The following NLGN1 variants were observed in gnomAD, a reference collection of about 807,000 sequenced individuals.
The protein encoded by NLGN1 is neuroligin-1.
In NLGN1, 12 loss-of-function variants were observed where a neutral mutation model predicts 65.5. That is an observed-to-expected ratio of 0.18 (90% CI 0.12 to 0.30). The LOEUF (loss-of-function observed/expected upper bound fraction) is 0.30, where lower values mean the gene tolerates loss of function less well. Ranked by LOEUF, NLGN1 falls within the 10% of genes least tolerant of loss-of-function variation. The pLI is 1.00. For missense variants in NLGN1, 750 were observed against 1,007.1 expected (o/e 0.74, Z 3.46); for synonymous variants, 350 against 359.5 (o/e 0.97, Z 0.30).
chr3:173,729,641 C>T (rs1038646), intron 3 of NLGN1, among the ~76,000 whole-genome samples: 120,732 of 151,954 alleles, frequency 0.79, 48,206 homozygotes, highest in East Asian at 0.87. Context: ...ATTTCTGCTG[C>T]TTGTAAAAGA....
At chr3:174,229,982 C>T (rs547161926) in intron 4 of NLGN1, among the ~76,000 whole-genome samples, 1 of 152,270 alleles carries the variant, frequency 6.6e-6, no homozygotes, top group African/African-American at 2.4e-5. Flanking sequence ...TAGAGAAATC[C>T]TTACATTCCT....
chr3:173,678,643 A>T (rs1052169677), intron 3 of NLGN1, among the ~76,000 whole-genome samples: 2 of 152,072 alleles, frequency 1.3e-5, no homozygotes, highest in African/African-American at 4.8e-5. Context: ...AAGACAAGAG[A>T]TCCTCTGAGG....
At chr3:173,973,244 A>G (rs112421544) in intron 4 of NLGN1, among the ~76,000 whole-genome samples, 156 of 152,252 alleles carry the variant, frequency 1.0e-3, no homozygotes, top group African/African-American at 3.6e-3. Context: ...TATACATATA[A>G]GAAAATTGTA....
At chr3:173,741,542 G>T (rs1324584241) in intron 3 of NLGN1, among the ~76,000 whole-genome samples, 4 of 152,014 alleles carry the variant, frequency 2.6e-5, no homozygotes, top group African/African-American at 2.4e-5. Flanking sequence ...ACTCAGGTTG[G>T]AGTGCAGTGG....
At chr3:173,786,235 G>T (rs1781932293) in intron 3 of NLGN1, among the ~76,000 whole-genome samples, 1 of 152,140 alleles carries the variant, frequency 6.6e-6, no homozygotes, top group Non-Finnish European at 1.5e-5. Context: ...AATGCAGAGG[G>T]AGGGCCATGA....
intron 4 of NLGN1, among the ~76,000 whole-genome samples, chr3:174,123,338 G>A (rs1393019366): frequency 6.6e-6 from 1 of 152,132 alleles, no homozygotes; most frequent in Non-Finnish European, 1.5e-5. Flanking sequence ...TGCATCGTCT[G>A]TGGTTGTCAA....
chr3:173,722,318 A>G (rs142725416), intron 3 of NLGN1, among the ~76,000 whole-genome samples: 25 of 137,260 alleles, frequency 1.8e-4, no homozygotes, highest in African/African-American at 6.7e-4. Context: ...ATCTTGGCTC[A>G]CTGCAACCTC....
intron 4 of NLGN1, among the ~76,000 whole-genome samples, chr3:173,913,098 A>G (rs1158119886): frequency 6.6e-6 from 1 of 152,168 alleles, no homozygotes; most frequent in African/African-American, 2.4e-5. Flanking sequence ...GGCAAAGTTA[A>G]CTAAATATGG....
chr3:173,531,909 G>A (rs1053339810), intron 2 of NLGN1, among the ~76,000 whole-genome samples: 1 of 151,988 alleles, frequency 6.6e-6, no homozygotes, highest in Non-Finnish European at 1.5e-5. Context: ...CCCACAAATG[G>A]CTGTTTTCTC....
exon 5 of NLGN1, chr3:174,275,513 G>T: frequency 6.2e-7 from 1 of 1,611,618 alleles, no homozygotes. Flanking sequence ...AACCGTTGGA[G>T]CAATTCAACC....
rs149959677 is a variant in NLGN1, at chr3:173,531,071, A to G, written c.-320-73208A>G. ...CTCTTCATTTTTAGAATATACAATT[A>G]CTTTATTAGAAAAAATTTATGGCTG... On this transcript the variant is annotated intron_variant, in intron 2 of 6. Coordinates refer to ENST00000457714, the Ensembl canonical transcript of NLGN1. 9.0e-3 allele frequency among the ~76,000 whole-genome samples: 1,373 copies of G among 152,222 alleles called. 6 individuals are homozygous for G. Among genetic ancestry groups the G allele is most frequent in the Non-Finnish European group, 0.015 (1,034 of 67,978 alleles).
intron 1 of NLGN1, among the ~76,000 whole-genome samples, chr3:173,422,160 CACAT>C (rs1277888344): frequency 1.3e-5 from 2 of 151,854 alleles, no homozygotes; most frequent in East Asian, 3.9e-4. Flanking sequence ...CACACACACA[CACAT>C]ACACACAATG....
intron 3 of NLGN1, among the ~76,000 whole-genome samples, chr3:173,635,909 A>G (rs1394961749): frequency 6.6e-6 from 1 of 152,144 alleles, no homozygotes; most frequent in Non-Finnish European, 1.5e-5. Flanking sequence ...GAATCTATTA[A>G]TAAATAGATG....
At chr3:173,802,213 C>T (rs1455301758) in intron 3 of NLGN1, among the ~76,000 whole-genome samples, 3 of 151,868 alleles carry the variant, frequency 2.0e-5, no homozygotes, top group African/African-American at 4.8e-5. Flanking sequence ...TAAGTCTGAG[C>T]GATCATAGCT....
At chr3:173,951,327 C>T (rs949776099) in intron 4 of NLGN1, among the ~76,000 whole-genome samples, 15 of 152,082 alleles carry the variant, frequency 9.9e-5, no homozygotes, top group African/African-American at 2.4e-4. Flanking sequence ...AATCAGACTC[C>T]GGTTAAGACC....
intron 4 of NLGN1, among the ~76,000 whole-genome samples, chr3:173,851,121 G>T (rs1726844071): frequency 6.6e-6 from 1 of 152,020 alleles, no homozygotes; most frequent in Admixed American, 6.6e-5. Flanking sequence ...ATATCCGATT[G>T]ATCAAGACCA....
rs548162791 is a variant in NLGN1 at position 173,485,432 on chromosome 3, T to C, written c.-321+50354T>C. Among the ~76,000 whole-genome samples, 3 of 152,324 alleles carry C rather than the reference T, an allele frequency of 2.0e-5. No individual in the cohort carries two copies. In the South Asian group the frequency reaches 6.2e-4, roughly 32 times the overall value. ...AAAATTGTTGTGCTTATGTTTACTTTCTCTTCCGTTTGAATTTCAGGATTA... is the reference window on the plus strand; with the variant it reads ...AAAATTGTTGTGCTTATGTTTACTTCCTCTTCCGTTTGAATTTCAGGATTA... On this transcript the variant is annotated intron_variant, in intron 2 of 6. Transcript: ENST00000457714.
At chr3:173,852,339 G>A (rs1406272585) in intron 4 of NLGN1, among the ~76,000 whole-genome samples, 1 of 104,808 alleles carries the variant, frequency 9.5e-6, no homozygotes, top group South Asian at 3.5e-4. Context: ...CTGGGCAACA[G>A]AGCGAGACTC....
At chr3:174,212,499 G>A (rs1219473870) in intron 4 of NLGN1, among the ~76,000 whole-genome samples, 3 of 152,240 alleles carry the variant, frequency 2.0e-5, no homozygotes, top group Non-Finnish European at 4.4e-5. Flanking sequence ...AAGAGCAAGC[G>A]AGGGCTCTGA....
Sources: allele counts gnomAD v4.1 joint callset (sites outside exome capture counted in the v4.1 genomes callset), GRCh38; gene constraint gnomAD v4.1.1; transcripts MANE v1.5; gene names NCBI Gene and HGNC (gene_info 2026-07-23, HGNC 2026-07-21).